C3orf49: variants seen among roughly 807,000 people sequenced by gnomAD.
The protein encoded by C3orf49 is chromosome 3 open reading frame 49, also known as putative uncharacterized protein C3orf49.
Under a neutral mutation model 13.3 loss-of-function variants are expected in C3orf49, and 27 were observed. The ratio of observed to expected loss-of-function variants is 2.02; its 90% CI spans 1.49 to 2.79. C3orf49 has a LOEUF of 2.79. Ranked by LOEUF, C3orf49 falls within the 30% of genes most tolerant of loss-of-function variation. C3orf49 has a pLI of 0.00. For synonymous variants in C3orf49, 87 were observed against 47.6 expected, an observed-to-expected ratio of 1.83 and a Z score of -3.40; for missense variants, 242 against 134.2, an observed-to-expected ratio of 1.80 and a Z score of -3.97.
chr3:63,824,553 T>C (rs1701441323), intron 2 of C3orf49, among the ~76,000 whole-genome samples: 1 of 151,582 alleles, frequency 6.6e-6, no homozygotes, highest in Non-Finnish European at 1.5e-5. Context: ...ATAAATGGAG[T>C]CTAGGCCGGG....
chr3:63,784,450 G>A, the C3orf49 span, among the ~76,000 whole-genome samples: 4 of 152,278 alleles, frequency 2.6e-5, no homozygotes, highest in South Asian at 6.2e-4. Context: ...TTGTCATGGG[G>A]CACAGCAGTG....
chr3:63,820,083 C>A (rs75191844), intron 1 of C3orf49, among the ~76,000 whole-genome samples: 92 of 152,060 alleles, frequency 6.1e-4, no homozygotes, highest in African/African-American at 2.0e-3. Flanking sequence ...ATTTTTTTGC[C>A]AATGACAAAA....
At chr3:63,792,943 G>A in the C3orf49 span, among the ~76,000 whole-genome samples, 2 of 152,248 alleles carry the variant, frequency 1.3e-5, no homozygotes, top group Middle Eastern at 3.4e-3. Context: ...GTCTTGTTTC[G>A]TTGTCTGTTT....
chr3:63,838,863 A>T (rs576259540), intron 5 of C3orf49, among the ~76,000 whole-genome samples: 1 of 152,302 alleles, frequency 6.6e-6, no homozygotes, highest in African/African-American at 2.4e-5. Context: ...ATGGAAAGCA[A>T]ATTCAAATGA....
chr3:63,835,281 G>A (rs1559601638), intron 5 of C3orf49: 1 of 1,612,124 alleles, frequency 6.2e-7, no homozygotes, highest in Non-Finnish European at 8.5e-7. Flanking sequence ...TATATAGACA[G>A]ACAGATAGAC....
the C3orf49 span, among the ~76,000 whole-genome samples, chr3:63,799,429 A>C: frequency 6.6e-6 from 1 of 152,170 alleles, no homozygotes; most frequent in African/African-American, 2.4e-5. Flanking sequence ...AAAGTTGTAA[A>C]TATTGAGTGT....
At chr3:63,829,180 A>G (rs889860166) in intron 3 of C3orf49, among the ~76,000 whole-genome samples, 1 of 152,096 alleles carries the variant, frequency 6.6e-6, no homozygotes, top group African/African-American at 2.4e-5. Context: ...GTTCGTATTC[A>G]TTTTGCCCCT....
chr3:63,789,118 C>T, the C3orf49 span, among the ~76,000 whole-genome samples: 1 of 152,154 alleles, frequency 6.6e-6, no homozygotes, highest in African/African-American at 2.4e-5. Flanking sequence ...GCGGGCATTA[C>T]CACCTGAGCT....
the C3orf49 span, among the ~76,000 whole-genome samples, chr3:63,793,016 T>C: frequency 6.6e-6 from 1 of 152,242 alleles, no homozygotes. Flanking sequence ...ACTTAAATTA[T>C]GGATTCCTGT....
chr3:63,806,697 T>A, the C3orf49 span, among the ~76,000 whole-genome samples: 1 of 152,146 alleles, frequency 6.6e-6, no homozygotes, highest in African/African-American at 2.4e-5. Context: ...TTATATATAT[T>A]TTTTCTACAG....
chr3:63,829,822 G>A (rs1045590004), intron 3 of C3orf49, among the ~76,000 whole-genome samples: 4 of 151,966 alleles, frequency 2.6e-5, no homozygotes, highest in Admixed American at 2.0e-4. Context: ...AAAATTAGCT[G>A]GGCATGGTGG....
In C3orf49 at chr3:63,837,018, C is replaced by T. The variant is rs187852562; in HGVS notation, c.849+5174C>T. On this transcript the variant is annotated intron_variant, in intron 5 of 6. Coordinates refer to ENST00000295896, the MANE Select transcript of C3orf49 (RefSeq NM_001355236.2). ...GGTATATGTTACTGTAAATAAGGCA[C>T]CAAAACTTCACCATACACATTTTAA... Among the ~76,000 whole-genome samples, 4 of 151,528 alleles carry T rather than the reference C, an allele frequency of 2.6e-5. No individual in the cohort carries two copies. In the East Asian group the frequency reaches 7.7e-4, roughly 29 times the overall value.
At chr3:63,846,270 G>A (rs1701893042) in intron 6 of C3orf49, 1 of 438,056 alleles carries the variant, frequency 2.3e-6, no homozygotes, top group Admixed American at 2.5e-5. Context: ...TGAAAAATCA[G>A]GAGATAATCC....
chr3:63,835,442 A>G, intron 5 of C3orf49: 1 of 1,531,078 alleles, frequency 6.5e-7, no homozygotes, highest in Admixed American at 1.7e-5. Context: ...AGAAGAGTTT[A>G]CAATTAATGC....
chr3:63,803,743 G>A, the C3orf49 span, among the ~76,000 whole-genome samples: 2 of 152,070 alleles, frequency 1.3e-5, no homozygotes, highest in Non-Finnish European at 2.9e-5. Flanking sequence ...TTGGCACCAG[G>A]GACTGGTTTC....
At chr3:63,806,763 T>G in the C3orf49 span, among the ~76,000 whole-genome samples, 1 of 152,190 alleles carries the variant, frequency 6.6e-6, no homozygotes, top group Admixed American at 6.5e-5. Context: ...AGACATCACT[T>G]TCTTCAGAAA....
At chr3:63,781,153 A>C in the C3orf49 span, among the ~76,000 whole-genome samples, 10 of 150,630 alleles carry the variant, frequency 6.6e-5, 1 homozygote, top group South Asian at 2.1e-3. Flanking sequence ...ATCCATCTTG[A>C]ATTAATTTTT....
chr3:63,796,500 A>G, the C3orf49 span, among the ~76,000 whole-genome samples: 2 of 152,104 alleles, frequency 1.3e-5, no homozygotes, highest in South Asian at 2.1e-4. Flanking sequence ...CAATTAAATC[A>G]CTATCTTTGT....
chr3:63,815,365 A>T (rs867904922), upstream of C3orf49, among the ~76,000 whole-genome samples: 6 of 152,220 alleles, frequency 3.9e-5, no homozygotes, highest in Middle Eastern at 0.01. Flanking sequence ...CCTCACCCCC[A>T]TCTGTTGCCG....
Sources: allele counts gnomAD v4.1 joint callset (sites outside exome capture counted in the v4.1 genomes callset), GRCh38; gene constraint gnomAD v4.1.1; transcripts MANE v1.5; gene names NCBI Gene and HGNC (gene_info 2026-07-23, HGNC 2026-07-21).